STMN1: variants seen among roughly 807,000 people sequenced by gnomAD.
The protein encoded by STMN1 is stathmin 1.
Under a neutral mutation model 19.7 loss-of-function variants are expected in STMN1, and 3 were observed. That is an observed-to-expected ratio of 0.15 (90% CI 0.07 to 0.39). STMN1 has a LOEUF of 0.39. STMN1 is among the 10% of genes least tolerant of loss of function. STMN1 has a pLI of 1.00. For synonymous variants in STMN1, 59 were observed against 58.9 expected (o/e 1.00, Z -0.01); for missense variants, 99 against 176.0 (o/e 0.56, Z 2.48).
chr1:25,896,787 G>A (rs1036941303), downstream of STMN1, among the ~76,000 whole-genome samples: 29 of 152,282 alleles, frequency 1.9e-4, no homozygotes, highest in African/African-American at 6.5e-4. Context: ...TCAGCCACAG[G>A]GACATTTTGG....
downstream of STMN1, among the ~76,000 whole-genome samples, chr1:25,895,181 C>A (rs1231958024): frequency 1.4e-5 from 2 of 147,640 alleles, no homozygotes; most frequent in African/African-American, 5.0e-5. Context: ...ATGCTCACTG[C>A]AACCTCTACC....
intron 4 of STMN1, among the ~76,000 whole-genome samples, chr1:25,886,068 A>C (rs2048718637): frequency 6.6e-6 from 1 of 152,172 alleles, no homozygotes; most frequent in Non-Finnish European, 1.5e-5. Flanking sequence ...GAAGCAACCT[A>C]GGCATCTGGA....
chr1:25,891,496 G>A (rs147817688), intron 4 of STMN1, among the ~76,000 whole-genome samples: 1 of 152,272 alleles, frequency 6.6e-6, no homozygotes, highest in East Asian at 1.9e-4. Context: ...TCCCCTGGGG[G>A]CAGCCCAGTC....
chr1:25,893,494 C>T (rs903887800), intron 4 of STMN1, among the ~76,000 whole-genome samples: 2 of 152,156 alleles, frequency 1.3e-5, no homozygotes, highest in African/African-American at 2.4e-5. Flanking sequence ...TGGCTGACAC[C>T]TACTTATGCC....
chr1:25,899,795 T>C (rs746377227), downstream of STMN1, among the ~76,000 whole-genome samples: 1 of 152,044 alleles, frequency 6.6e-6, no homozygotes, highest in Non-Finnish European at 1.5e-5. Flanking sequence ...AATCTCAAGA[T>C]ACAGCCCAAG....
chr1:25,887,727 G>GC, intron 4 of STMN1: 1 of 182,240 alleles, frequency 5.5e-6, no homozygotes, highest in South Asian at 1.1e-4. Context: ...TCGCTCTGTC[G>GC]CCAGGCTGGA....
At chr1:25,891,533 A>G (rs1409739774) in intron 4 of STMN1, among the ~76,000 whole-genome samples, 1 of 152,174 alleles carries the variant, frequency 6.6e-6, no homozygotes, top group Non-Finnish European at 1.5e-5. Context: ...TGGACCTCCT[A>G]GAAAAGACAC....
intron 4 of STMN1, chr1:25,887,391 T>G (rs2048731670): frequency 9.6e-6 from 3 of 314,132 alleles, no homozygotes; most frequent in Non-Finnish European, 1.9e-5. Flanking sequence ...GAAGCTTTCC[T>G]CAGTGGGTTA....
exon 5 of STMN1, chr1:25,885,776 G>A (rs1344671216): frequency 1.3e-6 from 2 of 1,551,748 alleles, no homozygotes; most frequent in East Asian, 2.4e-5. Flanking sequence ...TGGAGGCCCA[G>A]GGCTGGGCAA....
chr1:25,904,732 G>GA lies in STMN1; in HGVS notation c.-57dup. 1.3e-6 allele frequency: 2 copies of GA among 1,597,684 alleles called. No individual in the cohort carries two copies. The highest frequency in any genetic ancestry group is 1.7e-6 in the Non-Finnish European group (2 of 1,174,842). On this transcript the variant is annotated 5_prime_UTR_variant, in exon 2 of 5. Coordinates refer to ENST00000455785, the MANE Select transcript of STMN1 (RefSeq NM_005563.4). ...ATTCTGCACAATCAACTGGGATAAG[G>GA]AAAGTCCTGAAAATGATTTTCAAAA...
At chr1:25,884,825 TCA>T (rs2048708871), downstream of STMN1, 1 of 152,384 alleles carries the variant, frequency 6.6e-6, no homozygotes, top group Non-Finnish European at 1.5e-5. Flanking sequence ...CGTAATACAA[TCA>T]CCAAGGGAGC....
Position 25,900,805 on chromosome 1 carries a change from A to T in STMN1, c.*211T>A. Reference sequence around the variant, plus strand: ...CAAGAAAAATAGCTACATTAGAAAGACCAACACTTTAGAAAAAGAGTAAAA... The same window carrying T: ...CAAGAAAAATAGCTACATTAGAAAGTCCAACACTTTAGAAAAAGAGTAAAA... On this transcript the variant is annotated 3_prime_UTR_variant, in exon 5 of 5. Coordinates refer to ENST00000455785, the MANE Select transcript of STMN1 (RefSeq NM_005563.4). 7.3e-7 allele frequency: 1 copy of T among 1,377,872 alleles called. No homozygotes were observed. Among genetic ancestry groups the T allele is most frequent in the African/African-American group, 1.5e-5 (1 of 68,400 alleles). 85.4% of individuals were successfully genotyped at this position (1,377,872 alleles called of 1,614,324 possible). A position where few individuals can be genotyped will look rare whatever the true frequency, so the allele number is the denominator to read the frequency against.
chr1:25,885,657 C>G, exon 5 of STMN1: 1 of 1,465,404 alleles, frequency 6.8e-7, no homozygotes, highest in Admixed American at 2.6e-5. Flanking sequence ...CAAGGATCCT[C>G]TTGGCCAGAC....
chr1:25,906,873 C>G (rs1337865735), upstream of STMN1: 1 of 152,436 alleles, frequency 6.6e-6, no homozygotes, highest in Non-Finnish European at 1.5e-5. The surrounding 1 kb of genome is among the most constrained non-coding windows in gnomAD (Gnocchi z 4.5). Flanking sequence ...CAGAGCAGTG[C>G]CCCTTCTAGT....
At chr1:25,902,677 G>A (rs1312848164) in intron 3 of STMN1, 1 of 152,226 alleles carries the variant, frequency 6.6e-6, no homozygotes, top group East Asian at 1.9e-4. Context: ...GTAAAGCACA[G>A]GCTAATGACT....
chr1:25,888,073 G>A (rs1020658723), intron 4 of STMN1, among the ~76,000 whole-genome samples: 2 of 152,094 alleles, frequency 1.3e-5, no homozygotes, highest in African/African-American at 2.4e-5. Flanking sequence ...AAAGCCCTGG[G>A]TTTAAATCTA....
chr1:25,898,092 G>A (rs2048835377), downstream of STMN1, among the ~76,000 whole-genome samples: 1 of 152,036 alleles, frequency 6.6e-6, no homozygotes, highest in African/African-American at 2.4e-5. Context: ...AAATGGTTTT[G>A]TTACTGACCA....
At chr1:25,898,033 G>A (rs1001641030), downstream of STMN1, among the ~76,000 whole-genome samples, 5 of 152,086 alleles carry the variant, frequency 3.3e-5, no homozygotes, top group East Asian at 1.9e-4. Context: ...TAGCCTGAAC[G>A]GCAGCCACTC....
intron 3 of STMN1, 170 bp downstream of exon 3, chr1:25,903,471 G>C (rs1205653664): frequency 1.2e-6 from 1 of 807,796 alleles, no homozygotes; most frequent in Non-Finnish European, 1.9e-6. Context: ...ACAAAGGAGC[G>C]GGCATGTAAC....
Sources: allele counts gnomAD v4.1 joint callset (sites outside exome capture counted in the v4.1 genomes callset), GRCh38; gene constraint gnomAD v4.1.1; non-coding constraint Gnocchi (gnomAD v3.1); transcripts MANE v1.5; gene names NCBI Gene and HGNC (gene_info 2026-07-23, HGNC 2026-07-21).